Variants in DNAH3 observed in about 807,000 individuals in gnomAD.
The protein encoded by DNAH3 is dynein axonemal heavy chain 3.
In DNAH3, 332 loss-of-function variants were observed where a neutral mutation model predicts 432.5. That is an observed-to-expected ratio of 0.77 (90% CI 0.70 to 0.84). The LOEUF is 0.84. Ranked by LOEUF, DNAH3 falls within the 40% of genes least tolerant of loss-of-function variation. The probability of loss-of-function intolerance (pLI) is 0.00; values close to 1 mark genes in which losing one functional copy is unlikely to be tolerated. For missense variants in DNAH3, 4,861 were observed against 5,114.0 expected, an observed-to-expected ratio of 0.95 and a Z score of 1.51; for synonymous variants, 1,956 against 1,900.2, an observed-to-expected ratio of 1.03 and a Z score of -0.76.
chr16:20,974,643 A>C (rs1490042187), intron 51 of DNAH3, among the ~76,000 whole-genome samples: 1 of 130,378 alleles, frequency 7.7e-6, no homozygotes, highest in Non-Finnish European at 1.6e-5. Flanking sequence ...CTGGTCTTAA[A>C]CTCCGAGGCT....
At chr16:21,090,343 G>A (rs1351706248) in intron 18 of DNAH3, among the ~76,000 whole-genome samples, 7 of 148,896 alleles carry the variant, frequency 4.7e-5, no homozygotes, top group South Asian at 2.1e-4. Context: ...TCAGTGATAC[G>A]CTGATACAAA....
intron 52 of DNAH3, among the ~76,000 whole-genome samples, chr16:20,966,729 C>T (rs4783515): frequency 0.035 from 5,332 of 152,236 alleles, 163 homozygotes; most frequent in East Asian, 0.14. Context: ...GGATGAGTTT[C>T]GAATATCCTT....
rs540431449 is a variant in DNAH3, at chr16:20,966,007, C to G, written c.8459-582G>C. On this transcript the variant is annotated intron_variant, in intron 52 of 61. Coordinates refer to ENST00000261383, the Ensembl canonical transcript of DNAH3. Reference sequence around the variant, plus strand: ...AGATTCCAGGCCTGAGCCACCATGCCCAGCCAATTTTTTTTTTTTTTTTTT... The same window carrying G: ...AGATTCCAGGCCTGAGCCACCATGCGCAGCCAATTTTTTTTTTTTTTTTTT... 6.0e-3 allele frequency among the ~76,000 whole-genome samples: 839 copies of G among 139,856 alleles called. 22 individuals carry two copies. The highest frequency in any genetic ancestry group is 0.024 in the African/African-American group (812 of 33,984). 91.8% of individuals were successfully genotyped at this position (139,856 alleles called of 152,430 possible).
chr16:20,971,548 C>T (rs1023461287), intron 51 of DNAH3, among the ~76,000 whole-genome samples: 3 of 152,178 alleles, frequency 2.0e-5, no homozygotes, highest in African/African-American at 4.8e-5. Flanking sequence ...CCTGACTCAT[C>T]CCAGGATGTC....
At chr16:20,948,596 G>T (rs2301620) in exon 57 of DNAH3, 2 of 1,613,974 alleles carry the variant, frequency 1.2e-6, no homozygotes, top group South Asian at 2.2e-5. Flanking sequence ...AGGAGACGCC[G>T]GTCTTTGTCA....
intron 51 of DNAH3, among the ~76,000 whole-genome samples, chr16:20,971,922 G>A (rs934866561): frequency 4.6e-5 from 7 of 152,182 alleles, no homozygotes; most frequent in African/African-American, 1.7e-4. Flanking sequence ...TTTCCTCTTA[G>A]TACCCCCATT....
intron 61 of DNAH3, 81 bp downstream of exon 61, chr16:20,935,267 A>G (rs1414331412): frequency 3.8e-6 from 6 of 1,559,288 alleles, no homozygotes; most frequent in Non-Finnish European, 5.3e-6. Flanking sequence ...ACACATCCAC[A>G]TTTTTTGACT....
At chr16:21,033,027 C>A (rs115532207) in intron 36 of DNAH3, among the ~76,000 whole-genome samples, 1 of 151,912 alleles carries the variant, frequency 6.6e-6, no homozygotes, top group Non-Finnish European at 1.5e-5. Context: ...CAGTGCAGTG[C>A]GCAATCATAG....
chr16:20,934,532 G>C (rs2083519330), intron 61 of DNAH3, among the ~76,000 whole-genome samples: 1 of 152,124 alleles, frequency 6.6e-6, no homozygotes, highest in African/African-American at 2.4e-5. Context: ...AGTATCTTAT[G>C]TAATTTATCA....
At position 21,024,511 on chromosome 16, in the gene DNAH3, T is replaced by C. The variant is rs566245595; in HGVS notation, c.5646+85A>G. ...TGCCCCTTGTTGCCTCCAGGGACTA[T>C]GAAGGTGAAGATGTACCTAGAAGAC... On this transcript the variant is annotated intron_variant, in intron 39 of 61. Coordinates refer to ENST00000261383, the Ensembl canonical transcript of DNAH3. The C allele has an allele frequency of 2.0e-4, 191 of 935,438 alleles. 1 individual carries two copies. Among genetic ancestry groups the C allele is most frequent in the Middle Eastern group, 1.5e-3 (5 of 3,308 alleles). 57.9% of individuals were successfully genotyped at this position (935,438 alleles called of 1,614,324 possible). A position where few individuals can be genotyped will look rare whatever the true frequency, so the allele number is the denominator to read the frequency against.
intron 59 of DNAH3, among the ~76,000 whole-genome samples, chr16:20,940,273 G>A (rs1304168097): frequency 2.0e-5 from 3 of 152,032 alleles, no homozygotes; most frequent in African/African-American, 7.2e-5. Context: ...ATATTGCCCA[G>A]GCTGGTCTTA....
intron 47 of DNAH3, 127 bp from the exon 48 acceptor site, chr16:20,985,842 G>C (rs562833410): frequency 1.0e-6 from 1 of 954,256 alleles, no homozygotes; most frequent in Non-Finnish European, 1.6e-6. Context: ...AAGGTCATGG[G>C]TCATCAGTTT....
chr16:21,146,210 C>T, intron 1 of DNAH3, 122 bp from the exon 3 acceptor site: 1 of 625,914 alleles, frequency 1.6e-6, no homozygotes, highest in East Asian at 2.8e-5. Flanking sequence ...GGACCTAAAA[C>T]AAAACACTCC....
chr16:21,093,165 AT>A (rs1156676489), intron 18 of DNAH3, among the ~76,000 whole-genome samples: 1 of 152,240 alleles, frequency 6.6e-6, no homozygotes, highest in Non-Finnish European at 1.5e-5. Flanking sequence ...GCAACAGGAA[AT>A]GTCATTTATA....
chr16:21,025,904 T>C (rs1402812948), intron 38 of DNAH3, among the ~76,000 whole-genome samples: 1 of 151,992 alleles, frequency 6.6e-6, no homozygotes, highest in African/African-American at 2.4e-5. Context: ...TGGCTATTTT[T>C]TTGTATTTTT....
intron 12 of DNAH3, among the ~76,000 whole-genome samples, chr16:21,115,293 A>G (rs1343039216): frequency 6.6e-6 from 1 of 151,964 alleles, no homozygotes; most frequent in African/African-American, 2.4e-5. Flanking sequence ...CCTAATGTAA[A>G]TGACGAGTTA....
chr16:21,049,605 T>A, exon 31 of DNAH3: 1 of 1,614,144 alleles, frequency 6.2e-7, no homozygotes. Flanking sequence ...ACGCCCATGC[T>A]CCAGCCTGTG....
intron 21 of DNAH3, among the ~76,000 whole-genome samples, chr16:21,071,306 T>G (rs2090772921): frequency 6.6e-6 from 1 of 151,984 alleles, no homozygotes; most frequent in African/African-American, 2.4e-5. Context: ...CCTCCCAAAG[T>G]GCTGGGATTA....
At chr16:20,933,380 A>T in exon 62 of DNAH3, 2 of 1,614,178 alleles carry the variant, frequency 1.2e-6, no homozygotes, top group Non-Finnish European at 1.7e-6. Flanking sequence ...TGGGTCATAG[A>T]GGATTTTGGG....
Sources: gnomAD v4.1 joint callset for allele counts (sites outside exome capture counted in the v4.1 genomes callset) on GRCh38, gnomAD v4.1.1 for gene constraint, MANE v1.5 for transcripts, NCBI Gene and HGNC (gene_info 2026-07-23, HGNC 2026-07-21) for gene names.